DSCAM: variants seen among roughly 807,000 people sequenced by gnomAD.
DSCAM encodes DS cell adhesion molecule.
A neutral mutation model predicts 217.7 loss-of-function variants in DSCAM; 47 were observed. That is an observed-to-expected ratio of 0.22 (90% CI 0.17 to 0.28). The LOEUF (loss-of-function observed/expected upper bound fraction) is 0.28. Ranked by LOEUF, DSCAM falls within the 10% of genes least tolerant of loss-of-function variation. DSCAM has a pLI of 1.00. For synonymous variants in DSCAM, 1,056 were observed against 1,015.3 expected (o/e 1.04, Z -0.76); for missense variants, 2,080 against 2,618.3 (o/e 0.79, Z 4.49).
intron 3 of DSCAM, among the ~76,000 whole-genome samples, chr21:40,670,150 A>G (rs1385116371): frequency 1.3e-5 from 2 of 152,228 alleles, no homozygotes; most frequent in African/African-American, 4.8e-5. Context: ...GAGGTGCAAT[A>G]CGTTTTTTAA....
chr21:40,581,922 G>T (rs530248008), intron 3 of DSCAM, among the ~76,000 whole-genome samples: 1 of 152,110 alleles, frequency 6.6e-6, no homozygotes, highest in Admixed American at 6.5e-5. Flanking sequence ...AAGTCAAATT[G>T]TATCCTCTAA....
At chr21:40,017,791 A>G (rs954477791) in intron 32 of DSCAM, among the ~76,000 whole-genome samples, 8 of 152,182 alleles carry the variant, frequency 5.3e-5, no homozygotes, top group Non-Finnish European at 7.4e-5. Context: ...ACCTCGGGTG[A>G]TCCACCCGCC....
chr21:40,785,947 A>C (rs1458578860), intron 1 of DSCAM, among the ~76,000 whole-genome samples: 1 of 152,218 alleles, frequency 6.6e-6, no homozygotes, highest in Non-Finnish European at 1.5e-5. Context: ...ATCTAAAAGA[A>C]ATCATCTGGC....
chr21:40,647,744 T>C (rs544592430), intron 3 of DSCAM, among the ~76,000 whole-genome samples: 21 of 152,370 alleles, frequency 1.4e-4, no homozygotes, highest in African/African-American at 4.8e-4. Flanking sequence ...AGCTAATAGC[T>C]ATTTTTCATT....
intron 15 of DSCAM, among the ~76,000 whole-genome samples, chr21:40,173,956 C>A (rs1271126456): frequency 2.0e-5 from 3 of 152,166 alleles, no homozygotes; most frequent in African/African-American, 7.2e-5. Flanking sequence ...AGGGGGCAGC[C>A]ATCCCAAACT....
chr21:40,603,133 G>C (rs28634986), intron 3 of DSCAM, among the ~76,000 whole-genome samples: 2 of 151,792 alleles, frequency 1.3e-5, no homozygotes, highest in Non-Finnish European at 2.9e-5. Flanking sequence ...ATTTGCAGCT[G>C]TCTTTATGTT....
At chr21:40,620,335 AAGAAAGAAAG>A (rs1462187950) in intron 3 of DSCAM, among the ~76,000 whole-genome samples, 1 of 145,916 alleles carries the variant, frequency 6.9e-6, no homozygotes, top group Non-Finnish European at 1.5e-5. Flanking sequence ...AAAAAAGAAA[AAGAAAGAAAG>A]AGAAAGAGAG....
At chr21:40,564,271 G>A (rs1226307748) in intron 3 of DSCAM, among the ~76,000 whole-genome samples, 2 of 152,258 alleles carry the variant, frequency 1.3e-5, no homozygotes, top group Admixed American at 1.3e-4. Flanking sequence ...CACTGCAGGG[G>A]AAAAAACAAT....
intron 1 of DSCAM, among the ~76,000 whole-genome samples, chr21:40,843,386 G>A (rs1432666349): frequency 6.6e-6 from 1 of 151,836 alleles, no homozygotes; most frequent in Non-Finnish European, 1.5e-5. Context: ...GTGTGTGTGT[G>A]TGTGTGTGTG....
chr21:40,559,941 CA>C (rs781536610), intron 3 of DSCAM, among the ~76,000 whole-genome samples: 159 of 151,872 alleles, frequency 1.0e-3, no homozygotes, highest in Non-Finnish European at 1.6e-3. Context: ...TACAGGCGCC[CA>C]ACTACCATGC....
chr21:40,633,915 GC>G (rs1308209636), intron 3 of DSCAM, among the ~76,000 whole-genome samples: 2 of 152,120 alleles, frequency 1.3e-5, no homozygotes, highest in Non-Finnish European at 2.9e-5. Flanking sequence ...GGAATGATGC[GC>G]CCCAGAGATC....
At chr21:40,132,569 A>T (rs556866277) in intron 19 of DSCAM, among the ~76,000 whole-genome samples, 1 of 152,216 alleles carries the variant, frequency 6.6e-6, no homozygotes, top group Non-Finnish European at 1.5e-5. Flanking sequence ...TTAGAAAAAA[A>T]CTAAAGCAAA....
At chr21:40,058,418 C>T (rs768929872) in intron 28 of DSCAM, among the ~76,000 whole-genome samples, 2 of 152,170 alleles carry the variant, frequency 1.3e-5, no homozygotes, top group East Asian at 3.9e-4. Flanking sequence ...GTTGATTTAT[C>T]TTATCCATTA....
At chr21:40,475,854 AT>A (rs201975206) in intron 3 of DSCAM, among the ~76,000 whole-genome samples, 118 of 144,928 alleles carry the variant, frequency 8.1e-4, no homozygotes, top group African/African-American at 2.9e-3. Flanking sequence ...AATAAATAAA[AT>A]TTAAAAAAAA....
At chr21:40,174,546 T>TA (rs1363008317) in intron 15 of DSCAM, among the ~76,000 whole-genome samples, 1 of 151,108 alleles carries the variant, frequency 6.6e-6, no homozygotes, top group African/African-American at 2.4e-5. Context: ...TTTTTTTTTT[T>TA]AAAGATGAAA....
intron 6 of DSCAM, 50 bp from the exon 7 acceptor site, chr21:40,339,465 C>T: frequency 6.7e-7 from 1 of 1,492,408 alleles, no homozygotes; most frequent in South Asian, 1.3e-5. Context: ...AATAATTAAA[C>T]AACTTCCAAG....
chr21:40,465,058 TG>T (rs1569134776), intron 3 of DSCAM, among the ~76,000 whole-genome samples: 1 of 152,112 alleles, frequency 6.6e-6, no homozygotes, highest in Non-Finnish European at 1.5e-5. Flanking sequence ...CTTTGAACCA[TG>T]TAAATAAAAT....
At chr21:40,163,744 A>C (rs754308423) in intron 16 of DSCAM, among the ~76,000 whole-genome samples, 2 of 152,086 alleles carry the variant, frequency 1.3e-5, no homozygotes, top group East Asian at 1.9e-4. Context: ...GTAGAAACTC[A>C]TATGAAAAGT....
At chr21:40,326,862 C>T (rs541751979) in intron 8 of DSCAM, among the ~76,000 whole-genome samples, 1 of 151,426 alleles carries the variant, frequency 6.6e-6, no homozygotes, top group South Asian at 2.1e-4. Context: ...ATAATTGTAT[C>T]ATGCATCTAT....
Sources: gnomAD v4.1 joint callset for allele counts (sites outside exome capture counted in the v4.1 genomes callset) on GRCh38, gnomAD v4.1.1 for gene constraint, MANE v1.5 for transcripts, NCBI Gene and HGNC (gene_info 2026-07-23, HGNC 2026-07-21) for gene names.